The following NFATC3 variants were observed in gnomAD, a reference collection of about 807,000 sequenced individuals.
NFATC3 encodes the protein nuclear factor of activated T-cells, cytoplasmic 3.
NFATC3 carries 46 observed loss-of-function variants against 98.6 expected under a neutral mutation model. The observed-to-expected ratio is 0.47, with a 90% CI of 0.37 to 0.60. The LOEUF (loss-of-function observed/expected upper bound fraction) is 0.60, where lower values mean the gene tolerates loss of function less well. Ranked by LOEUF, NFATC3 falls within the 20% of genes least tolerant of loss-of-function variation. NFATC3 has a pLI of 0.00. For missense variants in NFATC3, 1,256 were observed against 1,295.5 expected (o/e 0.97, Z 0.47); for synonymous variants, 512 against 472.2 (o/e 1.08, Z -1.09).
At chr16:68,208,867 CA>C (rs2041258663) in intron 9 of NFATC3, among the ~76,000 whole-genome samples, 1 of 152,116 alleles carries the variant, frequency 6.6e-6, no homozygotes, top group Non-Finnish European at 1.5e-5. Flanking sequence ...TTAGTGCTAA[CA>C]TTTTTTTGTC....
chr16:68,100,585 A>AAAAC (rs1039070000), intron 1 of NFATC3, among the ~76,000 whole-genome samples: 1 of 151,826 alleles, frequency 6.6e-6, no homozygotes, highest in Non-Finnish European at 1.5e-5. Context: ...AAAACAAAAC[A>AAAAC]AAACAAACAA....
chr16:68,171,132 C>T (rs1030966358), intron 5 of NFATC3, among the ~76,000 whole-genome samples: 12 of 151,988 alleles, frequency 7.9e-5, no homozygotes, highest in South Asian at 2.1e-4. Context: ...CTCAGCCTCC[C>T]GAATAGCTGT....
At position 68,190,993 on chromosome 16, in the gene NFATC3, G is replaced by T. The variant is rs769359077; in HGVS notation, c.2324G>T (p.Ser775Ile). The T allele has an allele frequency of 5.0e-6, 8 of 1,614,196 alleles. No individual in the cohort carries two copies. The highest frequency in any genetic ancestry group is 5.9e-6 in the Non-Finnish European group (7 of 1,180,014). ...TTGCAGTGTAGAGATGAGAGTGTTAGTAAAGAACAGCATATGATTCCTTCT... is the reference window on the plus strand; with the variant it reads ...TTGCAGTGTAGAGATGAGAGTGTTATTAAAGAACAGCATATGATTCCTTCT... The part of the protein sequence containing the change: ...PQLQCRDESV[S>I]KEQHMIPSPI... The change falls in exon 9 of 10, where the codon AGT becomes ATT. Residue 775 changes from serine to isoleucine, a missense_variant. Physicochemically the swap from Ser to Ile is moderately radical, Grantham distance 142. This residue lies in a region of NFATC3 where 636 missense variants were observed against 617.3 expected (regional missense o/e 1.03). Transcript: ENST00000346183.
chr16:68,085,630 C>A lies in NFATC3; in HGVS notation c.-52C>A. The A allele has an allele frequency of 1.4e-6, 2 of 1,451,384 alleles. No individual in the cohort carries two copies. The highest frequency in any genetic ancestry group is 3.0e-5 in the East Asian group (1 of 33,328). 89.9% of individuals were successfully genotyped at this position (1,451,384 alleles called of 1,614,324 possible). On this transcript the variant is annotated 5_prime_UTR_variant, in exon 1 of 10. Coordinates refer to ENST00000346183, the MANE Select transcript of NFATC3 (RefSeq NM_173165.3). The stretch of plus-strand genomic sequence containing the variant: ...TTGAGGAGCTGCTGCCGCCGCTTGC[C>A]GCTGCCGCCGCCGCCGCCTGAGGAG...
At chr16:68,123,738 G>T (rs1473454834) in intron 2 of NFATC3, among the ~76,000 whole-genome samples, 1 of 151,978 alleles carries the variant, frequency 6.6e-6, no homozygotes, top group Non-Finnish European at 1.5e-5. Flanking sequence ...GGTGTCTCAT[G>T]CCTGTAATCC....
chr16:68,143,565 C>G (rs980801723), intron 3 of NFATC3, among the ~76,000 whole-genome samples: 1 of 152,040 alleles, frequency 6.6e-6, no homozygotes, highest in African/African-American at 2.4e-5. Context: ...TTATAAAACA[C>G]AGGTCAGGAG....
intron 3 of NFATC3, among the ~76,000 whole-genome samples, chr16:68,154,219 C>T (rs1003772427): frequency 2.0e-5 from 3 of 152,118 alleles, no homozygotes; most frequent in African/African-American, 7.2e-5. Context: ...GATGGCCAGC[C>T]TTATACTTTG....
chr16:68,200,530 A>G (rs1374003334), intron 9 of NFATC3: 1 of 152,032 alleles, frequency 6.6e-6, no homozygotes, highest in Non-Finnish European at 1.5e-5. Context: ...TCCCAGAAGC[A>G]TTTCTCAGTC....
chr16:68,156,811 T>C (rs2038642289), intron 3 of NFATC3, among the ~76,000 whole-genome samples: 2 of 151,976 alleles, frequency 1.3e-5, no homozygotes, highest in African/African-American at 4.8e-5. Context: ...TGTTGGTGGG[T>C]GCCTGTAATC....
chr16:68,191,005 A>G lies in NFATC3; in HGVS notation c.2336A>G (p.His779Arg). ...CRDESVSKEQHMIPSPIVHQP... is the reference protein window; with the variant it reads ...CRDESVSKEQRMIPSPIVHQP... Reference sequence around the variant, plus strand: ...GATGAGAGTGTTAGTAAAGAACAGCATATGATTCCTTCTCCAATTGTACAC... The same window carrying G: ...GATGAGAGTGTTAGTAAAGAACAGCGTATGATTCCTTCTCCAATTGTACAC... Residue 779 changes from histidine to arginine, a missense_variant, in exon 9 of 10, where the codon CAT (histidine) becomes CGT (arginine). Transcript: ENST00000346183. The G allele has an allele frequency of 1.2e-6, 2 of 1,614,222 alleles. No homozygotes were observed. Among genetic ancestry groups the G allele is most frequent in the Non-Finnish European group, 1.7e-6 (2 of 1,180,040 alleles).
intron 6 of NFATC3, among the ~76,000 whole-genome samples, chr16:68,177,563 C>T (rs1430308411): frequency 6.6e-6 from 1 of 151,552 alleles, no homozygotes; most frequent in Admixed American, 6.6e-5. Flanking sequence ...TTCTGTTTCA[C>T]TGATTTCTAT....
chr16:68,189,824 G>A (rs1567541139), intron 8 of NFATC3, among the ~76,000 whole-genome samples: 2 of 152,178 alleles, frequency 1.3e-5, no homozygotes, highest in African/African-American at 2.4e-5. Flanking sequence ...AGCACTTTGG[G>A]AGGTTGAGGT....
At chr16:68,222,307 A>C (rs1249303761) in intron 9 of NFATC3, among the ~76,000 whole-genome samples, 2 of 136,570 alleles carry the variant, frequency 1.5e-5, no homozygotes, top group African/African-American at 5.3e-5. Flanking sequence ...AAAAAAAAAA[A>C]AAAAAAAAAA....
chr16:68,139,253 T>C (rs116971206), intron 3 of NFATC3, among the ~76,000 whole-genome samples: 5,759 of 152,312 alleles, frequency 0.038, 120 homozygotes, highest in Middle Eastern at 0.15. Context: ...TAATATATAA[T>C]ATCATCTACC....
chr16:68,140,921 T>C (rs1047139123), intron 3 of NFATC3, among the ~76,000 whole-genome samples: 1 of 152,166 alleles, frequency 6.6e-6, no homozygotes. Context: ...GTACCTAATA[T>C]GTAGTTTTCT....
At chr16:68,224,235 A>T (rs2041966781) in intron 9 of NFATC3, among the ~76,000 whole-genome samples, 2 of 146,634 alleles carry the variant, frequency 1.4e-5, no homozygotes, top group Admixed American at 6.9e-5. Context: ...CTACTTCTTT[A>T]CTATTCTATG....
chr16:68,098,263 C>A (rs1412182028), intron 1 of NFATC3, among the ~76,000 whole-genome samples: 1 of 136,864 alleles, frequency 7.3e-6, no homozygotes, highest in Non-Finnish European at 1.6e-5. Context: ...GTACATTTAA[C>A]TTTTTGTCTA....
rs1319525125 is a variant in NFATC3 at position 68,229,168 on chromosome 16, G to T, written c.*2697G>T. The T allele has an allele frequency of 6.6e-6, 1 of 152,212 alleles. No individual in the cohort carries two copies. Among genetic ancestry groups the T allele is most frequent in the East Asian group, 1.9e-4 (1 of 5,204 alleles). 9.4% of individuals were successfully genotyped at this position (152,212 alleles called of 1,614,324 possible). ...TTAAAACCTTTTATGGGAGTGCAGT[G>T]CTCCTTACACAAATACAAAGGGAAG... is the stretch of plus-strand genomic sequence containing the variant. On this transcript the variant is annotated 3_prime_UTR_variant, in exon 10 of 10. Transcript: ENST00000346183.
chr16:68,164,006 C>T (rs1323464668), intron 4 of NFATC3, among the ~76,000 whole-genome samples: 61 of 151,930 alleles, frequency 4.0e-4, no homozygotes, highest in African/African-American at 1.2e-3. Flanking sequence ...GGGTGGCGGC[C>T]GGGCAGAGGC....
Sources: allele counts gnomAD v4.1 joint callset (sites outside exome capture counted in the v4.1 genomes callset), GRCh38; gene constraint gnomAD v4.1.1; regional missense constraint gnomAD v4.1.1; transcripts MANE v1.5; gene names NCBI Gene and HGNC (gene_info 2026-07-23, HGNC 2026-07-21).